Variants in TMEFF1 observed in about 807,000 individuals in gnomAD.
TMEFF1 encodes tomoregulin-1.
In TMEFF1, 20 loss-of-function variants were observed where a neutral mutation model predicts 47.5. That is an observed-to-expected ratio of 0.42 (90% CI 0.30 to 0.61). The LOEUF is 0.61. Among genes scored for constraint, TMEFF1 ranks in the 20% least tolerant of loss-of-function variants. The pLI is 0.19. For missense variants in TMEFF1, 411 were observed against 471.1 expected, an observed-to-expected ratio of 0.87 and a Z score of 1.18; for synonymous variants, 162 against 166.3, an observed-to-expected ratio of 0.97 and a Z score of 0.20.
At position 100,511,438 on chromosome 9, in the gene TMEFF1, G is replaced by C. The variant is rs185273261; in HGVS notation, c.437-1869G>C. On this transcript the variant is annotated intron_variant, in intron 3 of 9. Coordinates refer to ENST00000374879, the MANE Select transcript of TMEFF1 (RefSeq NM_003692.5). ...TCTCTGAGCCCCAATTCCTTAACTT[G>C]TTAAGTGGATATTATCTCCTGGGGT... Among the ~76,000 whole-genome samples, 11 of 152,232 alleles carry C rather than the reference G, an allele frequency of 7.2e-5. No individual in the cohort carries two copies. The East Asian group carries it at 2.1e-3, about 29-fold the overall frequency.
chr9:100,548,580 A>C (rs1838777945), intron 6 of TMEFF1, among the ~76,000 whole-genome samples: 1 of 152,098 alleles, frequency 6.6e-6, no homozygotes, highest in Non-Finnish European at 1.5e-5. Context: ...TCAGTCACAT[A>C]TGTGGACCAG....
chr9:100,564,409 A>T (rs907488910), intron 8 of TMEFF1, among the ~76,000 whole-genome samples: 60 of 152,182 alleles, frequency 3.9e-4, no homozygotes, highest in African/African-American at 1.3e-3. Context: ...TGGTTGATTG[A>T]CTTATTAATG....
chr9:100,572,871 G>A (rs917126282), intron 9 of TMEFF1, among the ~76,000 whole-genome samples, 195 bp downstream of exon 9: 7 of 152,054 alleles, frequency 4.6e-5, no homozygotes, highest in African/African-American at 9.6e-5. Context: ...ATATCTGGGC[G>A]ACAAGCAGAG....
At chr9:100,512,693 G>A in intron 3 of TMEFF1, among the ~76,000 whole-genome samples, 1 of 152,112 alleles carries the variant, frequency 6.6e-6, no homozygotes, top group Admixed American at 6.5e-5. Context: ...CTTTGATGAA[G>A]GCTCTTTTTA....
Position 100,488,174 on chromosome 9 carries a change from C to T in TMEFF1, c.197-10591C>T, listed in dbSNP as rs11793014. Among the ~76,000 whole-genome samples the T allele has an allele frequency of 3.8e-3, 584 of 151,924 alleles. 12 individuals are homozygous for T. The highest frequency in any genetic ancestry group is 0.032 in the Admixed American group (494 of 15,280). On this transcript the variant is annotated intron_variant, in intron 1 of 9. Coordinates refer to ENST00000374879, the MANE Select transcript of TMEFF1 (RefSeq NM_003692.5). Reference sequence around the variant, plus strand: ...CCTGCAAAATCTTATATATGTAAACCGGCATATGTTTCAAAATAATGGGAT... The same window carrying T: ...CCTGCAAAATCTTATATATGTAAACTGGCATATGTTTCAAAATAATGGGAT...
At chr9:100,546,618 C>G (rs1050797940) in intron 5 of TMEFF1, among the ~76,000 whole-genome samples, 1 of 152,224 alleles carries the variant, frequency 6.6e-6, no homozygotes, top group Non-Finnish European at 1.5e-5. Flanking sequence ...ATTGACCTTT[C>G]TCTGTGCCTG....
At chr9:100,565,199 A>G (rs1839100400) in intron 8 of TMEFF1, among the ~76,000 whole-genome samples, 1 of 152,118 alleles carries the variant, frequency 6.6e-6, no homozygotes, top group Non-Finnish European at 1.5e-5. Flanking sequence ...TCTCTAGCAT[A>G]TCCATTTTAC....
intron 8 of TMEFF1, 99 bp from the exon 9 acceptor site, chr9:100,572,419 T>C: frequency 1.5e-6 from 2 of 1,318,978 alleles, no homozygotes; most frequent in Non-Finnish European, 9.9e-7. Context: ...ATCCTATTCC[T>C]GTTTAAATTT....
chr9:100,510,404 A>G (rs1837939888), intron 3 of TMEFF1, among the ~76,000 whole-genome samples: 1 of 152,190 alleles, frequency 6.6e-6, no homozygotes, highest in South Asian at 2.1e-4. Flanking sequence ...AACTCCTCCT[A>G]GTTACAGTAT....
intron 2 of TMEFF1, 100 bp from the exon 3 acceptor site, chr9:100,508,905 C>T (rs1024887454): frequency 8.6e-6 from 11 of 1,286,186 alleles, no homozygotes; most frequent in Admixed American, 3.2e-5. Context: ...TATTCAGTAG[C>T]GAAGTATGTC....
chr9:100,498,784 T>C lies in TMEFF1; in HGVS notation c.216T>C (p.Ser72=), dbSNP rs775150660. ...TTGCAGAATTAAATGTGAGGGAGTC[T>C]GACGTAAGAGTTTGTGATGAGTCAT... ...INCSELNVRE[S]DVRVCDESSC... The change falls in exon 2 of 10, where the codon TCT becomes TCC. Residue 72 remains serine (S), a synonymous_variant. Transcript: ENST00000374879. 5.6e-6 allele frequency: 9 copies of C among 1,612,904 alleles called. No individual in the cohort carries two copies. Among genetic ancestry groups the C allele is most frequent in the Admixed American group, 5.0e-5 (3 of 59,548 alleles).
chr9:100,549,203 A>T (rs1306373990), intron 6 of TMEFF1, among the ~76,000 whole-genome samples: 1 of 152,186 alleles, frequency 6.6e-6, no homozygotes, highest in South Asian at 2.1e-4. Context: ...AAACACAATC[A>T]TGGTAGATGG....
chr9:100,486,488 C>A (rs770581903), intron 1 of TMEFF1, among the ~76,000 whole-genome samples: 1 of 152,126 alleles, frequency 6.6e-6, no homozygotes, highest in Admixed American at 6.5e-5. Context: ...ATAATTGGTC[C>A]GCCTCGGGCT....
chr9:100,567,088 A>G (rs1372066335), intron 8 of TMEFF1, among the ~76,000 whole-genome samples: 1 of 151,972 alleles, frequency 6.6e-6, no homozygotes, highest in Non-Finnish European at 1.5e-5. Flanking sequence ...TGGTTCCTTC[A>G]TCTCACTAAG....
At chr9:100,523,897 A>G (rs1023232815) in intron 5 of TMEFF1, among the ~76,000 whole-genome samples, 4 of 152,218 alleles carry the variant, frequency 2.6e-5, no homozygotes, top group Admixed American at 2.6e-4. Context: ...TGCCAAAATT[A>G]TAGTGCTAAA....
chr9:100,491,758 T>G (rs1837555488), intron 1 of TMEFF1, among the ~76,000 whole-genome samples: 1 of 152,216 alleles, frequency 6.6e-6, no homozygotes, highest in South Asian at 2.1e-4. Flanking sequence ...TTGAGAAAGT[T>G]ATTTAAAGTA....
chr9:100,554,257 G>A (rs1199630157), intron 7 of TMEFF1, among the ~76,000 whole-genome samples: 1 of 152,128 alleles, frequency 6.6e-6, no homozygotes, highest in Non-Finnish European at 1.5e-5. Context: ...AAACGATTTT[G>A]ACAAATATGC....
At chr9:100,534,397 C>T (rs1235150267) in intron 5 of TMEFF1, among the ~76,000 whole-genome samples, 1 of 152,160 alleles carries the variant, frequency 6.6e-6, no homozygotes, top group Non-Finnish European at 1.5e-5. Context: ...TATACCCACA[C>T]AGTAGGTGCA....
chr9:100,571,552 A>G (rs1021499693), intron 8 of TMEFF1, among the ~76,000 whole-genome samples: 10 of 151,730 alleles, frequency 6.6e-5, no homozygotes, highest in African/African-American at 2.2e-4. Context: ...ATGTCTATAC[A>G]TTTCCAAATA....
Sources: allele counts gnomAD v4.1 joint callset (sites outside exome capture counted in the v4.1 genomes callset), GRCh38; gene constraint gnomAD v4.1.1; transcripts MANE v1.5; gene names NCBI Gene and HGNC (gene_info 2026-07-23, HGNC 2026-07-21).